PECAM1: variants seen among roughly 807,000 people sequenced by gnomAD.
The protein encoded by PECAM1 is platelet and endothelial cell adhesion molecule 1.
PECAM1 carries 8 observed loss-of-function variants against 13.8 expected under a neutral mutation model. The observed-to-expected ratio is 0.58, with a 90% CI of 0.34 to 1.05. The LOEUF is 1.05. Among genes scored for constraint, PECAM1 ranks in the 50% least tolerant of loss-of-function variants. PECAM1 has a pLI of 0.03. For synonymous variants in PECAM1, 136 were observed against 52.6 expected, an observed-to-expected ratio of 2.58 and a Z score of -6.86; for missense variants, 304 against 141.2, an observed-to-expected ratio of 2.15 and a Z score of -5.84.
intron 9 of PECAM1, 132 bp from the exon 10 acceptor site, chr17:64,353,650 A>C (rs1436273523): frequency 2.5e-6 from 1 of 405,288 alleles, no homozygotes; most frequent in African/African-American, 2.1e-5. Flanking sequence ...TTTTTGTTTT[A>C]CTCCTAGTAA....
chr17:64,354,294 C>T (rs976271290), intron 9 of PECAM1, among the ~76,000 whole-genome samples: 2 of 152,086 alleles, frequency 1.3e-5, no homozygotes, highest in African/African-American at 4.8e-5. Context: ...TCAATCCCTG[C>T]GTTTGTAACT....
chr17:64,326,295 G>C (rs2034957699), intron 15 of PECAM1, among the ~76,000 whole-genome samples: 1 of 152,224 alleles, frequency 6.6e-6, no homozygotes, highest in South Asian at 2.1e-4. Context: ...ATGACCCAGG[G>C]TCTTGGGACC....
chr17:64,371,292 A>T (rs1186921281), intron 4 of PECAM1, among the ~76,000 whole-genome samples: 1 of 152,236 alleles, frequency 6.6e-6, no homozygotes, highest in African/African-American at 2.4e-5. Flanking sequence ...AAACTTCAGC[A>T]TGGAAAACTT....
chr17:64,341,231 T>C (rs1273557228), intron 14 of PECAM1, among the ~76,000 whole-genome samples: 1 of 149,564 alleles, frequency 6.7e-6, no homozygotes, highest in Non-Finnish European at 1.5e-5. Flanking sequence ...ACCACTGCAC[T>C]CCAGCCTGAG....
chr17:64,328,809 G>T (rs2035026623), intron 15 of PECAM1, among the ~76,000 whole-genome samples: 1 of 152,304 alleles, frequency 6.6e-6, no homozygotes, highest in Middle Eastern at 3.4e-3. Flanking sequence ...TAGCTGCCCA[G>T]TTAACTCCTG....
intron 2 of PECAM1, among the ~76,000 whole-genome samples, chr17:64,387,379 G>A (rs1222802090): frequency 2.6e-5 from 4 of 151,940 alleles, no homozygotes; most frequent in Non-Finnish European, 5.9e-5. Flanking sequence ...AGAGAGGTTC[G>A]ACTGAGAAAG....
rs190719039 is a variant in PECAM1, at chr17:64,321,074, G to A, written c.*2742C>T. The A allele has an allele frequency of 6.6e-6, 1 of 152,276 alleles. No homozygotes were observed. The highest frequency in any genetic ancestry group is 1.9e-4 in the East Asian group (1 of 5,180). 9.4% of individuals were successfully genotyped at this position (152,276 alleles called of 1,614,324 possible). A position where few individuals can be genotyped will look rare whatever the true frequency, so the allele number is the denominator to read the frequency against. ...CTGTCTTGAGTCTAGGTCGGGGAGT[G>A]GGTTCAGTTAGCCAATCAGAGAACG... On this transcript the variant is annotated 3_prime_UTR_variant, in exon 16 of 16. Transcript: ENST00000563924.
At chr17:64,386,675 T>C (rs1198586860) in intron 2 of PECAM1, among the ~76,000 whole-genome samples, 3 of 151,868 alleles carry the variant, frequency 2.0e-5, no homozygotes, top group African/African-American at 7.3e-5. Flanking sequence ...CTCATATCTG[T>C]TATCCCAGCA....
At chr17:64,348,587 T>C (rs942651039) in intron 12 of PECAM1, among the ~76,000 whole-genome samples, 14 of 151,978 alleles carry the variant, frequency 9.2e-5, no homozygotes, top group African/African-American at 3.1e-4. Context: ...TTTGTATTTT[T>C]AGTAGAGACG....
chr17:64,363,050 C>A, intron 6 of PECAM1, 99 bp downstream of exon 6: 1 of 469,544 alleles, frequency 2.1e-6, no homozygotes, highest in Non-Finnish European at 3.9e-6. Flanking sequence ...TCTTACCCTG[C>A]CTGAGTCTGC....
At position 64,390,481 on chromosome 17, in the gene PECAM1, A is replaced by G; in HGVS notation, c.91+8T>C. ...AAACATCTGTTACAGTGGAAACATC[A>G]GACTTACAGTTTTCTTGACCCTCAA... On this transcript the variant is annotated splice_region_variant and intron_variant, in intron 2 of 15. Transcript: ENST00000563924. 1 of 473,690 alleles carries G rather than the reference A, an allele frequency of 2.1e-6. No homozygotes were observed. The allele number at this position is 473,690 out of a possible 1,614,324, so 29.3% of individuals were successfully genotyped here.
intron 2 of PECAM1, chr17:64,390,204 A>C: frequency 2.7e-6 from 1 of 374,846 alleles, no homozygotes; most frequent in Non-Finnish European, 4.7e-6. Flanking sequence ...AAGAACATGG[A>C]GTTTGATCTG....
chr17:64,349,307 G>A (rs1052398909), intron 12 of PECAM1, among the ~76,000 whole-genome samples: 8 of 152,172 alleles, frequency 5.3e-5, no homozygotes, highest in African/African-American at 9.7e-5. Flanking sequence ...TACATTTCAG[G>A]CTGGGTGTGG....
At chr17:64,349,532 G>C (rs922649893) in intron 12 of PECAM1, among the ~76,000 whole-genome samples, 128 of 140,490 alleles carry the variant, frequency 9.1e-4, no homozygotes, top group African/African-American at 3.0e-3. Flanking sequence ...AGGCTGCAGT[G>C]AGCCAAGATT....
intron 14 of PECAM1, among the ~76,000 whole-genome samples, chr17:64,331,411 C>T (rs942431823): frequency 6.6e-6 from 1 of 152,226 alleles, no homozygotes; most frequent in Admixed American, 6.5e-5. Context: ...GTCTCAAACT[C>T]CTGACCTCAG....
At chr17:64,348,519 T>TG in intron 12 of PECAM1, among the ~76,000 whole-genome samples, 197 bp from the exon 13 acceptor site, 1 of 151,520 alleles carries the variant, frequency 6.6e-6, no homozygotes, top group East Asian at 1.9e-4. Flanking sequence ...GTGATTCTCC[T>TG]GCCTAAGCCT....
intron 8 of PECAM1, 80 bp from the exon 9 acceptor site, chr17:64,355,120 C>T: frequency 2.3e-6 from 1 of 425,882 alleles, no homozygotes; most frequent in Admixed American, 4.2e-5. Context: ...CAGGCTTAAG[C>T]AACAAAAGTC....
chr17:64,325,018 T>A (rs1555645299), intron 15 of PECAM1, among the ~76,000 whole-genome samples: 1 of 152,234 alleles, frequency 6.6e-6, no homozygotes. Flanking sequence ...ATAGTGGTGG[T>A]GGTTGCACAG....
In PECAM1 at chr17:64,356,297, T is replaced by C. The variant is rs933270015; in HGVS notation, c.1594A>G (p.Ile532Val). 10 of 474,628 alleles carry C rather than the reference T, an allele frequency of 2.1e-5. No homozygotes were observed. Among genetic ancestry groups the C allele is most frequent in the Non-Finnish European group, 3.5e-5 (9 of 258,920 alleles). The allele number at this position is 474,628 out of a possible 1,614,324, so 29.4% of individuals were successfully genotyped here. Residue 532 changes from isoleucine to valine, a missense_variant, in exon 8 of 16, where the codon ATC (isoleucine) becomes GTC (valine). Physicochemically the swap from Ile to Val is conservative, Grantham distance 29. Coordinates refer to ENST00000563924, the MANE Select transcript of PECAM1 (RefSeq NM_000442.5). Reference sequence around the variant, plus strand: ...TTTTCTCTGTAAAACTTATAGGTGATGGGACCAGATCCTTCATTCACAGCA... The same window carrying C: ...TTTTCTCTGTAAAACTTATAGGTGACGGGACCAGATCCTTCATTCACAGCA... Reference protein sequence around the residue: ...QCAVNEGSGPITYKFYREKEG... With the variant: ...QCAVNEGSGPVTYKFYREKEG...
Sources: gnomAD v4.1 joint callset for allele counts (sites outside exome capture counted in the v4.1 genomes callset) on GRCh38, gnomAD v4.1.1 for gene constraint, MANE v1.5 for transcripts, NCBI Gene and HGNC (gene_info 2026-07-23, HGNC 2026-07-21) for gene names.